Variants in RTTN observed in about 807,000 individuals in gnomAD.
The protein encoded by RTTN is rotatin.
RTTN carries 182 observed loss-of-function variants against 269.2 expected under a neutral mutation model. The ratio of observed to expected loss-of-function variants is 0.68; its 90% confidence interval spans 0.60 to 0.76. The LOEUF (loss-of-function observed/expected upper bound fraction) is 0.76. RTTN is among the 30% of genes least tolerant of loss of function. The pLI is 0.00. For missense variants in RTTN, 2,545 were observed against 2,608.6 expected (o/e 0.98, Z 0.53); for synonymous variants, 1,006 against 963.5 (o/e 1.04, Z -0.82).
intron 40 of RTTN, among the ~76,000 whole-genome samples, chr18:70,046,490 T>C (rs1170568894): frequency 6.6e-6 from 1 of 152,148 alleles, no homozygotes. Context: ...GGGGTTGTGG[T>C]TGGGAGACTT....
In RTTN at chr18:70,017,503, T is replaced by A; in HGVS notation, c.6325A>T (p.Ser2109Cys). 1 of 1,614,060 alleles carries A rather than the reference T, an allele frequency of 6.2e-7. No individual in the cohort carries two copies. Among genetic ancestry groups the A allele is most frequent in the South Asian group, 1.1e-5 (1 of 91,080 alleles). The change falls in exon 46 of 49, where the codon AGC (serine) becomes TGC (cysteine). Residue 2109 changes from serine (S) to cysteine (C), a missense_variant. Physicochemically the swap from Ser to Cys is moderately radical, Grantham distance 112. Coordinates refer to ENST00000640769, the MANE Select transcript of RTTN (RefSeq NM_173630.4). The stretch of plus-strand genomic sequence containing the variant: ...GGGCTGCTCTTGTGCTTGTATTTGC[T>A]CATCTCTGTTAGTAAGTCTAGACAG... ...DGCLDLLTEM[S>C]KYKHKSSPLL...
At position 70,204,143 on chromosome 18, in the gene RTTN, G is replaced by C; in HGVS notation, c.340C>G (p.Leu114Val). The part of the protein sequence containing the change: ...EIDGILDGLF[L>V]LPSEVPALSS... ...AGTGCAGGAACTTCCGAAGGAAGAAGAAAAAGTCCATCCAGAATGCCATCA... is the reference window on the plus strand; with the variant it reads ...AGTGCAGGAACTTCCGAAGGAAGAACAAAAAGTCCATCCAGAATGCCATCA... The change falls in exon 3 of 49, where the codon CTT becomes GTT. Residue 114 changes from leucine (L) to valine (V), a missense_variant. Leu to Val is a conservative substitution (Grantham distance 32). Coordinates refer to ENST00000640769, the MANE Select transcript of RTTN (RefSeq NM_173630.4). 1.2e-6 allele frequency: 2 copies of C among 1,614,032 alleles called. No individual in the cohort carries two copies. Among genetic ancestry groups the C allele is most frequent in the Non-Finnish European group, 1.7e-6 (2 of 1,179,934 alleles).
In RTTN at chr18:70,148,973, T is replaced by A. The variant is rs776943396; in HGVS notation, c.2237A>T (p.Asp746Val). The A allele has an allele frequency of 1.2e-6, 2 of 1,613,560 alleles. No individual in the cohort carries two copies. Among genetic ancestry groups the A allele is most frequent in the East Asian group, 4.5e-5 (2 of 44,882 alleles). The part of the protein sequence containing the change: ...CILLLSKASS[D>V]TEEMLPCTTR... Reference sequence around the variant, plus strand: ...AGTACACGGAAGCATCTCTTCTGTGTCAGAACTTGCTTTGCTTAGAAGGAG... The same window carrying A: ...AGTACACGGAAGCATCTCTTCTGTGACAGAACTTGCTTTGCTTAGAAGGAG... The change falls in exon 17 of 49, where the codon GAC (aspartate) becomes GTC (valine). Residue 746 changes from aspartate to valine, a missense_variant. Physicochemically the swap from Asp to Val is radical, Grantham distance 152. Transcript: ENST00000640769.
chr18:70,101,413 G>A (rs951776428), intron 28 of RTTN, among the ~76,000 whole-genome samples: 13 of 152,094 alleles, frequency 8.5e-5, no homozygotes, highest in South Asian at 8.3e-4. Flanking sequence ...CTGTGGGATC[G>A]GTGTTGATAT....
intron 21 of RTTN, among the ~76,000 whole-genome samples, chr18:70,137,087 G>A (rs1014219437): frequency 6.6e-6 from 1 of 152,080 alleles, no homozygotes; most frequent in African/African-American, 2.4e-5. Context: ...AGTCTTCTTT[G>A]GGGAAATTGA....
intron 30 of RTTN, among the ~76,000 whole-genome samples, chr18:70,089,820 A>G (rs1459076355): frequency 3.9e-5 from 6 of 152,262 alleles, no homozygotes; most frequent in Non-Finnish European, 5.9e-5. Flanking sequence ...ATTTCTAAGC[A>G]AAGTGTTGAA....
At chr18:70,189,550 T>C (rs763872567) in intron 9 of RTTN, among the ~76,000 whole-genome samples, 6 of 152,240 alleles carry the variant, frequency 3.9e-5, no homozygotes, top group African/African-American at 9.6e-5. Flanking sequence ...TCTAAAACTT[T>C]CTTTACACCT....
chr18:70,073,097 A>C (rs547463798), intron 34 of RTTN, among the ~76,000 whole-genome samples: 1 of 152,260 alleles, frequency 6.6e-6, no homozygotes, highest in Admixed American at 6.5e-5. Flanking sequence ...TGTTCCTGGA[A>C]ACAGGTGTAT....
intron 35 of RTTN, among the ~76,000 whole-genome samples, chr18:70,062,495 T>C (rs764102465): frequency 6.6e-6 from 1 of 152,234 alleles, no homozygotes; most frequent in African/African-American, 2.4e-5. Flanking sequence ...TATGCAAAAG[T>C]AGAAAACTGT....
chr18:70,180,487 C>T (rs532473515), intron 10 of RTTN, among the ~76,000 whole-genome samples: 2 of 151,516 alleles, frequency 1.3e-5, no homozygotes, highest in African/African-American at 4.8e-5. Flanking sequence ...GAGGCTGAGG[C>T]ACGAAAATTG....
chr18:70,145,547 T>C, intron 18 of RTTN, 65 bp downstream of exon 18: 1 of 1,246,364 alleles, frequency 8.0e-7, no homozygotes, highest in Non-Finnish European at 1.1e-6. Flanking sequence ...GAATGTCACA[T>C]AAAATACATG....
Position 70,121,681 on chromosome 18 carries a change from C to G in RTTN, c.3403G>C (p.Ala1135Pro). 1 of 1,557,158 alleles carries G rather than the reference C, an allele frequency of 6.4e-7. No homozygotes were observed. Among genetic ancestry groups the G allele is most frequent in the South Asian group, 1.2e-5 (1 of 81,892 alleles). ...ALNRFLQVLPACTEDEKLLID... is the reference protein window; with the variant it reads ...ALNRFLQVLPPCTEDEKLLID... ...AGCAGTTTCTCATCTTCAGTGCAAGCAGGAAGCACCTGTAAAAACCTATAA... is the reference window on the plus strand; with the variant it reads ...AGCAGTTTCTCATCTTCAGTGCAAGGAGGAAGCACCTGTAAAAACCTATAA... Residue 1135 changes from alanine (A) to proline (P), a missense_variant, in exon 26 of 49, where the codon GCT becomes CCT. Physicochemically the swap from Ala to Pro is conservative, Grantham distance 27. Transcript: ENST00000640769.
chr18:70,127,158 T>C (rs1236502780), intron 25 of RTTN, among the ~76,000 whole-genome samples: 1 of 152,204 alleles, frequency 6.6e-6, no homozygotes, highest in Non-Finnish European at 1.5e-5. Flanking sequence ...GGCAGGTGTA[T>C]CACAGCTATT....
intron 4 of RTTN, among the ~76,000 whole-genome samples, chr18:70,200,067 C>T (rs1344005554): frequency 2.0e-5 from 3 of 152,150 alleles, no homozygotes; most frequent in Admixed American, 6.5e-5. Context: ...TATCCCCATG[C>T]AAGTTATTTT....
At chr18:70,112,656 G>A (rs2059502523) in intron 27 of RTTN, among the ~76,000 whole-genome samples, 1 of 152,066 alleles carries the variant, frequency 6.6e-6, no homozygotes. Context: ...GGAGCACCCA[G>A]ATTCATAAAG....
chr18:70,095,009 A>T (rs1236771780), intron 28 of RTTN, among the ~76,000 whole-genome samples: 2 of 151,484 alleles, frequency 1.3e-5, no homozygotes, highest in Non-Finnish European at 2.9e-5. Context: ...ATATATATTT[A>T]GGACAGTTAG....
chr18:70,052,642 T>TTACATATATATA lies in RTTN; in HGVS notation c.5186-1095_5186-1094insTATATATATGTA, dbSNP rs1555706674. Reference sequence around the variant, plus strand: ...ATAACTTTTCATGTAATTTATTTACTTATATATATATATCATCACAATGTG... The same window carrying TTACATATATATA: ...ATAACTTTTCATGTAATTTATTTACTTACATATATATATATATATATATATCATCACAATGTG... On this transcript the variant is annotated intron_variant, in intron 38 of 48. Transcript: ENST00000640769. Among the ~76,000 whole-genome samples, 3 of 145,912 alleles carry TTACATATATATA rather than the reference T, an allele frequency of 2.1e-5. No homozygotes were observed. The East Asian group carries it at 6.0e-4, about 29-fold the overall frequency.
chr18:70,060,764 T>A (rs1382114181), intron 35 of RTTN, among the ~76,000 whole-genome samples: 2 of 152,206 alleles, frequency 1.3e-5, no homozygotes, highest in African/African-American at 4.8e-5. Flanking sequence ...GGCTCTCCAC[T>A]CTTTAGCCTC....
Position 70,176,793 on chromosome 18 carries a change from T to G in RTTN, c.1358A>C (p.His453Pro), listed in dbSNP as rs751231353. The G allele has an allele frequency of 6.8e-6, 11 of 1,613,998 alleles. No homozygotes were observed. The highest frequency in any genetic ancestry group is 9.3e-6 in the Non-Finnish European group (11 of 1,179,976). Residue 453 changes from histidine (H) to proline (P), a missense_variant, in exon 11 of 49, where the codon CAT (histidine) becomes CCT (proline). Transcript: ENST00000640769. ...CTGCTCCAAACTGATACTACTTTTA[T>G]GGTAGCACATGGTTTCTCCAAGGGC... ...LGALGETMCY[H>P]KSSISLEQPE...
Sources: allele counts gnomAD v4.1 joint callset (sites outside exome capture counted in the v4.1 genomes callset), GRCh38; gene constraint gnomAD v4.1.1; transcripts MANE v1.5; gene names NCBI Gene and HGNC (gene_info 2026-07-23, HGNC 2026-07-21).